The following CDH26 variants were observed in gnomAD, a reference collection of about 807,000 sequenced individuals.
The protein encoded by CDH26 is cadherin-like protein 26.
CDH26 carries 83 observed loss-of-function variants against 90.3 expected under a neutral mutation model. That is an observed-to-expected ratio of 0.92 (90% CI 0.77 to 1.10). CDH26 has a LOEUF of 1.10. Among genes scored for constraint, CDH26 ranks in the 50% least tolerant of loss-of-function variants. The pLI, the probability that CDH26 is intolerant of heterozygous loss-of-function variation, is 0.00. For synonymous variants in CDH26, 397 were observed against 396.3 expected (o/e 1.00, Z -0.02); for missense variants, 1,013 against 1,037.6 (o/e 0.98, Z 0.33).
At chr20:60,028,154 G>T (rs1412187125) in intron 7 of CDH26, among the ~76,000 whole-genome samples, 1 of 152,172 alleles carries the variant, frequency 6.6e-6, no homozygotes, top group Non-Finnish European at 1.5e-5. Context: ...GTGCTGAGCA[G>T]GGCAGCACCC....
rs200889174 is a variant in CDH26 at position 59,988,899 on chromosome 20, T to A, written c.1024-5T>A. 14 of 1,613,182 alleles carry A rather than the reference T, an allele frequency of 8.7e-6. No homozygotes were observed. Among genetic ancestry groups the A allele is most frequent in the Non-Finnish European group, 1.1e-5 (13 of 1,179,342 alleles). On this transcript the variant is annotated splice_region_variant and splice_polypyrimidine_tract_variant and intron_variant, in intron 8 of 17. Coordinates refer to ENST00000348616, the MANE Select transcript of CDH26 (RefSeq NM_177980.4). Reference sequence around the variant, plus strand: ...GCTAATGAAATCCTCTCTCTGGGGTTCCAGCCTTTGGATTATGAGACTCGC... The same window carrying A: ...GCTAATGAAATCCTCTCTCTGGGGTACCAGCCTTTGGATTATGAGACTCGC...
At chr20:60,034,959 G>A (rs1205778751), downstream of CDH26, among the ~76,000 whole-genome samples, 1 of 152,196 alleles carries the variant, frequency 6.6e-6, no homozygotes, top group Middle Eastern at 3.2e-3. Context: ...CCAGATCTGA[G>A]CTCTTTGGTT....
In CDH26 at chr20:59,984,730, A is replaced by T. The variant is rs537999388; in HGVS notation, c.633A>T (p.Pro211=). 19 of 1,614,036 alleles carry T rather than the reference A, an allele frequency of 1.2e-5. 2 individuals are homozygous for T. The South Asian group carries it at 1.8e-4, about 15-fold the overall frequency. The change falls in exon 6 of 18, where the codon CCA becomes CCT. Residue 211 remains proline, a synonymous_variant. Coordinates refer to ENST00000348616, the MANE Select transcript of CDH26 (RefSeq NM_177980.4). The part of the protein sequence containing the change: ...QVLYFLISQT[P]LLKESGFRVD... ...TTTACTTCCTCATTTCTCAAACACCATTACTGAAAGAAAGTGGTTTCCGGG... is the reference window on the plus strand; with the variant it reads ...TTTACTTCCTCATTTCTCAAACACCTTTACTGAAAGAAAGTGGTTTCCGGG...
chr20:59,999,675 C>T lies in CDH26; in HGVS notation c.2097+12C>T, dbSNP rs1219623566. 1.2e-6 allele frequency: 2 copies of T among 1,613,340 alleles called. No homozygotes were observed. Among genetic ancestry groups the T allele is most frequent in the Non-Finnish European group, 1.7e-6 (2 of 1,179,492 alleles). Reference sequence around the variant, plus strand: ...CGCAGGGAGTTAAGGTAACATGCCCCTTACTTGCTTCTGGATTTCAGAGAA... The same window carrying T: ...CGCAGGGAGTTAAGGTAACATGCCCTTTACTTGCTTCTGGATTTCAGAGAA... On this transcript the variant is annotated intron_variant, in intron 14 of 17. Coordinates refer to ENST00000348616, the MANE Select transcript of CDH26 (RefSeq NM_177980.4).
intron 4 of CDH26, among the ~76,000 whole-genome samples, chr20:59,978,626 G>A (rs1432073717): frequency 3.3e-5 from 5 of 151,778 alleles, no homozygotes; most frequent in South Asian, 2.1e-4. Flanking sequence ...CCCCCACCTC[G>A]GCCTCCCAAA....
intron 1 of CDH26, among the ~76,000 whole-genome samples, chr20:59,963,764 C>A (rs978272221): frequency 3.3e-5 from 5 of 151,906 alleles, no homozygotes; most frequent in African/African-American, 1.2e-4. Flanking sequence ...TTAAAAGAAT[C>A]TCTAGAGGAA....
intron 14 of CDH26, among the ~76,000 whole-genome samples, chr20:60,000,161 G>A (rs540972543): frequency 5.6e-4 from 85 of 152,314 alleles, no homozygotes; most frequent in African/African-American, 2.0e-3. Context: ...AAGGCCCGGG[G>A]CCCCTCTGCA....
At chr20:60,004,343 A>G (rs554742148) in intron 16 of CDH26, among the ~76,000 whole-genome samples, 1 of 152,210 alleles carries the variant, frequency 6.6e-6, no homozygotes, top group African/African-American at 2.4e-5. Flanking sequence ...TTTTACACAA[A>G]CCTAAATGGT....
chr20:59,989,282 G>C lies in CDH26; in HGVS notation c.1283+119G>C, dbSNP rs991177865. 4 of 1,298,956 alleles carry C rather than the reference G, an allele frequency of 3.1e-6. No homozygotes were observed. In the East Asian group the frequency reaches 7.0e-5, roughly 23 times the overall value. The allele number at this position is 1,298,956 out of a possible 1,614,324, so 80.5% of individuals were successfully genotyped here. On this transcript the variant is annotated intron_variant, in intron 9 of 17. Coordinates refer to ENST00000348616, the MANE Select transcript of CDH26 (RefSeq NM_177980.4). The stretch of plus-strand genomic sequence containing the variant: ...GGTGGCTCACGCCTGTAATCCCAGC[G>C]CTTTGGGAGGCCGAGGCGGGTGGAT...
chr20:60,027,962 G>A (rs950329305), intron 7 of CDH26, among the ~76,000 whole-genome samples: 1 of 152,174 alleles, frequency 6.6e-6, no homozygotes, highest in Non-Finnish European at 1.5e-5. Context: ...TTCTCTCAGG[G>A]TAACATCTGA....
At chr20:59,971,936 C>T (rs194983) in intron 3 of CDH26, 26 bp from the exon 4 acceptor site, 26 of 1,584,216 alleles carry the variant, frequency 1.6e-5, no homozygotes, top group Admixed American at 1.3e-4. Context: ...CTCCTTTTTT[C>T]TTCTTTCCAT....
intron 4 of CDH26, among the ~76,000 whole-genome samples, chr20:59,979,812 A>G (rs1007032664): frequency 4.0e-5 from 6 of 150,908 alleles, no homozygotes; most frequent in Admixed American, 6.6e-5. Context: ...TTTTTAGTAG[A>G]GTCGGGGTTT....
chr20:60,029,709 C>CACTCACTCACA (rs1198766383), intron 7 of CDH26, among the ~76,000 whole-genome samples: 2 of 152,022 alleles, frequency 1.3e-5, no homozygotes, highest in South Asian at 2.1e-4. Flanking sequence ...TTGCTCGACT[C>CACTCACTCACA]CCAGTTATGA....
chr20:60,000,260 A>G (rs1470043745), intron 14 of CDH26, among the ~76,000 whole-genome samples: 1 of 152,194 alleles, frequency 6.6e-6, no homozygotes, highest in African/African-American at 2.4e-5. Context: ...TTAGAAAGGG[A>G]ATAATTTTCT....
At chr20:59,967,293 G>A (rs1217954357) in intron 1 of CDH26, among the ~76,000 whole-genome samples, 2 of 152,194 alleles carry the variant, frequency 1.3e-5, no homozygotes, top group African/African-American at 2.4e-5. Flanking sequence ...AGAGAACTAG[G>A]TGATGGGCAT....
chr20:60,012,600 G>A lies in CDH26; in HGVS notation c.2369G>A (p.Cys790Tyr), dbSNP rs767327055. The A allele has an allele frequency of 4.0e-5, 65 of 1,614,076 alleles. No individual in the cohort carries two copies. Among genetic ancestry groups the A allele is most frequent in the Non-Finnish European group, 5.2e-5 (61 of 1,180,042 alleles). ...LPHVYSEEGE[C>Y]GGAPSLSSLA... Reference sequence around the variant, plus strand: ...CACGTCTACAGCGAGGAAGGGGAGTGTGGAGGGGCCCCATCCCTCAGCTCT... The same window carrying A: ...CACGTCTACAGCGAGGAAGGGGAGTATGGAGGGGCCCCATCCCTCAGCTCT... Residue 790 changes from cysteine (C) to tyrosine (Y), a missense_variant, in exon 18 of 18, where the codon TGT (cysteine) becomes TAT (tyrosine). Physicochemically the swap from Cys to Tyr is radical, Grantham distance 194. Coordinates refer to ENST00000348616, the MANE Select transcript of CDH26 (RefSeq NM_177980.4).
intron 16 of CDH26, among the ~76,000 whole-genome samples, chr20:60,006,189 T>C (rs1164721056): frequency 6.6e-6 from 1 of 152,140 alleles, no homozygotes; most frequent in East Asian, 1.9e-4. Context: ...GATTTAGTGG[T>C]GGGATTTGTG....
rs149133906 is a variant in CDH26 at position 59,985,031 on chromosome 20, G to T, written c.739G>T (p.Ala247Ser). The change falls in exon 7 of 18, where the codon GCC becomes TCC. Residue 247 changes from alanine (A) to serine (S), a missense_variant. Ala to Ser is a moderately conservative substitution (Grantham distance 99). Coordinates refer to ENST00000348616, the MANE Select transcript of CDH26 (RefSeq NM_177980.4). ...TAPQFTLLIRARDCGEPSLSS... is the reference protein window; with the variant it reads ...TAPQFTLLIRSRDCGEPSLSS... ...TCCTCAGTTTACACTGCTAATCAGA[G>T]CCAGGGACTGTGGAGAACCGTCACT... 1.5e-4 allele frequency: 250 copies of T among 1,614,038 alleles called. No homozygotes were observed. The African/African-American group carries it at 3.1e-3, about 20-fold the overall frequency.
intron 16 of CDH26, among the ~76,000 whole-genome samples, chr20:60,005,385 T>A (rs944709163): frequency 6.6e-6 from 1 of 152,154 alleles, no homozygotes; most frequent in Admixed American, 6.5e-5. Context: ...TATGTCTATA[T>A]GTATATGTAT....
Sources: allele counts gnomAD v4.1 joint callset (sites outside exome capture counted in the v4.1 genomes callset), GRCh38; gene constraint gnomAD v4.1.1; transcripts MANE v1.5; gene names NCBI Gene and HGNC (gene_info 2026-07-23, HGNC 2026-07-21).